FOXP1: variants seen among roughly 807,000 people sequenced by gnomAD.
The protein encoded by FOXP1 is forkhead box P1.
Under a neutral mutation model 98.2 loss-of-function variants are expected in FOXP1, and 15 were observed. The observed-to-expected ratio is 0.15, with a 90% CI of 0.10 to 0.24. The LOEUF (loss-of-function observed/expected upper bound fraction) is 0.24, where lower values mean the gene tolerates loss of function less well. FOXP1 is among the 10% of genes least tolerant of loss of function. The probability of loss-of-function intolerance (pLI) is 1.00; values close to 1 mark genes in which losing one functional copy is unlikely to be tolerated. For synonymous variants in FOXP1, 371 were observed against 314.5 expected (o/e 1.18, Z -1.90); for missense variants, 633 against 848.5 (o/e 0.75, Z 3.15).
At chr3:70,972,296 T>C (rs2036437461) in intron 18 of FOXP1, 8 of 1,039,088 alleles carry the variant, frequency 7.7e-6, no homozygotes, top group African/African-American at 3.2e-5. Context: ...GCAATAAGCA[T>C]AAGCAAATGG....
At chr3:71,558,877 A>G (rs1214879660) in intron 2 of FOXP1, among the ~76,000 whole-genome samples, 2 of 140,656 alleles carry the variant, frequency 1.4e-5, no homozygotes, top group Non-Finnish European at 3.0e-5. Context: ...ATCTTGGCTC[A>G]CTGCAACCTC....
rs373155788 is a variant in FOXP1, at chr3:71,407,327, C to T, written c.-167-48083G>A. On this transcript the variant is annotated intron_variant, in intron 3 of 20. Transcript: ENST00000649528. ...GCTGGGGTGGGGGGTGGCGGGAACA[C>T]ACATTTTAAAAATCATGCTTCTAAT... Among the ~76,000 whole-genome samples, 5 of 152,092 alleles carry T rather than the reference C, an allele frequency of 3.3e-5. No homozygotes were observed. In the East Asian group the frequency reaches 9.6e-4, roughly 29 times the overall value.
Position 71,331,481 on chromosome 3 carries a change from G to A in FOXP1, c.-73+27669C>T, listed in dbSNP as rs902612096. On this transcript the variant is annotated intron_variant, in intron 4 of 20. Coordinates refer to ENST00000649528, the MANE Select transcript of FOXP1 (RefSeq NM_001349338.3). ...CGACCGCCCAAGGGCTGAGGAGTGC[G>A]GGCGCACGGCGCGGGACTGGCACGC... Among the ~76,000 whole-genome samples, 7 of 152,262 alleles carry A rather than the reference G, an allele frequency of 4.6e-5. No homozygotes were observed. In the East Asian group the frequency reaches 7.7e-4, roughly 17 times the overall value.
intron 7 of FOXP1, among the ~76,000 whole-genome samples, chr3:71,105,053 A>C (rs1025737280): frequency 2.6e-5 from 4 of 152,226 alleles, no homozygotes; most frequent in Non-Finnish European, 2.9e-5. Context: ...CTAGTTATTA[A>C]GCAGCTGATT....
chr3:71,352,090 A>C (rs2077820180), intron 4 of FOXP1, among the ~76,000 whole-genome samples: 1 of 152,172 alleles, frequency 6.6e-6, no homozygotes, highest in Admixed American at 6.5e-5. Context: ...TGAAAAGTTT[A>C]TGTGAAAACA....
In FOXP1 at chr3:71,336,004, C is replaced by A. The variant is rs2076645833; in HGVS notation, c.-73+23146G>T. ...CAGCCTGGGCAATAACAGCGAAACT[C>A]CATCTCAAAAAAAAAAAAAAAAAAA... On this transcript the variant is annotated intron_variant, in intron 4 of 20. Transcript: ENST00000649528. Among the ~76,000 whole-genome samples the A allele has an allele frequency of 5.1e-5, 4 of 78,456 alleles. No homozygotes were observed. The South Asian group carries it at 2.1e-3, about 41-fold the overall frequency. The allele number at this position is 78,456 out of a possible 152,430, so 51.5% of individuals were successfully genotyped here. A position where few individuals can be genotyped will look rare whatever the true frequency, so the allele number is the denominator to read the frequency against.
intron 3 of FOXP1, among the ~76,000 whole-genome samples, chr3:71,431,397 C>T (rs2084703822): frequency 6.6e-6 from 1 of 152,170 alleles, no homozygotes; most frequent in Non-Finnish European, 1.5e-5. Flanking sequence ...CCAGTGAATA[C>T]TCCTAATAAG....
intron 6 of FOXP1, among the ~76,000 whole-genome samples, chr3:71,162,069 A>T (rs1280501119): frequency 6.6e-6 from 1 of 152,244 alleles, no homozygotes. Context: ...AGAGTCAAAA[A>T]GAATAATGAT....
At chr3:71,531,075 C>T (rs910919665) in intron 2 of FOXP1, among the ~76,000 whole-genome samples, 5 of 152,234 alleles carry the variant, frequency 3.3e-5, no homozygotes, top group Admixed American at 1.3e-4. Context: ...TTTAAATCTG[C>T]GTTCAGGTGT....
chr3:71,359,116 G>A (rs1272103058), intron 4 of FOXP1, 34 bp downstream of exon 4: 4 of 152,166 alleles, frequency 2.6e-5, no homozygotes, highest in African/African-American at 7.2e-5. Context: ...CAATTTTTAG[G>A]TGGTATACAG....
intron 3 of FOXP1, among the ~76,000 whole-genome samples, chr3:71,395,234 C>T (rs748305608): frequency 4.0e-5 from 6 of 151,358 alleles, no homozygotes; most frequent in Non-Finnish European, 7.4e-5. Context: ...TCCTAGTTCC[C>T]TTTTAGCATT....
intron 5 of FOXP1, among the ~76,000 whole-genome samples, chr3:71,256,331 A>G (rs2068620272): frequency 6.6e-6 from 1 of 152,070 alleles, no homozygotes; most frequent in Non-Finnish European, 1.5e-5. Flanking sequence ...GGGTTTGTTG[A>G]ATTTGGTGGT....
intron 18 of FOXP1, chr3:70,971,533 TTTATCAGTGGTCTTTAAAGG>T (rs2036244247): frequency 6.5e-6 from 1 of 154,104 alleles, no homozygotes; most frequent in African/African-American, 2.4e-5. Context: ...ATTACCTACA[TTTATCAGTGGTCTTTAAAGG>T]AAGTGTATGC....
At chr3:71,046,789 C>T in intron 10 of FOXP1, 153 bp downstream of exon 10, 1 of 956,220 alleles carries the variant, frequency 1.0e-6, no homozygotes, top group Non-Finnish European at 1.7e-6. Flanking sequence ...TCACCTTCTA[C>T]ATGGGTCCAT....
intron 6 of FOXP1, among the ~76,000 whole-genome samples, chr3:71,130,078 C>T (rs1045535422): frequency 1.3e-5 from 2 of 152,164 alleles, no homozygotes; most frequent in Non-Finnish European, 2.9e-5. Context: ...CATCAGGGGA[C>T]AATTCTGTAG....
chr3:71,534,458 A>T (rs1210017526), intron 2 of FOXP1, among the ~76,000 whole-genome samples: 1 of 152,240 alleles, frequency 6.6e-6, no homozygotes, highest in Non-Finnish European at 1.5e-5. Flanking sequence ...GGTCGAAAAA[A>T]AATCCACGTA....
intron 2 of FOXP1, among the ~76,000 whole-genome samples, chr3:71,535,743 G>T (rs2044238890): frequency 6.6e-6 from 1 of 152,088 alleles, no homozygotes; most frequent in African/African-American, 2.4e-5. Context: ...GAAAGAAACA[G>T]GGATGAGAAA....
chr3:70,970,369 G>T lies in FOXP1; in HGVS notation c.1722+367C>A, dbSNP rs190484910. 5.2e-5 allele frequency: 15 copies of T among 287,988 alleles called. No individual in the cohort carries two copies. The East Asian group carries it at 1.3e-3, about 25-fold the overall frequency. 17.8% of individuals were successfully genotyped at this position (287,988 alleles called of 1,614,324 possible). A position where few individuals can be genotyped will look rare whatever the true frequency, so the allele number is the denominator to read the frequency against. ...TTTCTCTTTAAACCCATGAACAATA[G>T]AAGGTCATGTGACGCAGTGGCCTAT... On this transcript the variant is annotated intron_variant, in intron 19 of 20. Coordinates refer to ENST00000649528, the MANE Select transcript of FOXP1 (RefSeq NM_001349338.3).
chr3:71,336,137 G>A (rs6764264), intron 4 of FOXP1, among the ~76,000 whole-genome samples: 61,145 of 150,010 alleles, frequency 0.41, 13,994 homozygotes, highest in East Asian at 0.73. Context: ...AGGAGCGAAT[G>A]CAAAGAAGTT....
Sources: gnomAD v4.1 joint callset for allele counts (sites outside exome capture counted in the v4.1 genomes callset) on GRCh38, gnomAD v4.1.1 for gene constraint, MANE v1.5 for transcripts, NCBI Gene and HGNC (gene_info 2026-07-23, HGNC 2026-07-21) for gene names.